Variants in DAB1 observed in about 807,000 individuals in gnomAD.
The protein encoded by DAB1 is disabled homolog 1.
Under a neutral mutation model 64.6 loss-of-function variants are expected in DAB1, and 15 were observed. The ratio of observed to expected loss-of-function variants is 0.23; its 90% CI spans 0.16 to 0.36. The LOEUF is 0.36. Ranked by LOEUF, DAB1 falls within the 10% of genes least tolerant of loss-of-function variation. DAB1 has a pLI of 1.00. For synonymous variants in DAB1, 235 were observed against 251.9 expected, an observed-to-expected ratio of 0.93 and a Z score of 0.64; for missense variants, 596 against 706.7, an observed-to-expected ratio of 0.84 and a Z score of 1.78.
chr1:57,302,831 C>T (rs952771027), intron 1 of DAB1, among the ~76,000 whole-genome samples: 2 of 152,116 alleles, frequency 1.3e-5, no homozygotes, highest in Non-Finnish European at 2.9e-5. Context: ...TTGGCAAACA[C>T]AGGAATAAAG....
At chr1:57,284,493 C>T (rs1672156406) in intron 2 of DAB1, among the ~76,000 whole-genome samples, 2 of 152,274 alleles carry the variant, frequency 1.3e-5, no homozygotes, top group East Asian at 1.9e-4. Context: ...CATTTGGTGG[C>T]TGAGAAAAGT....
At chr1:58,334,082 A>G (rs1040753425) in intron 4 of DAB1, among the ~76,000 whole-genome samples, 1 of 152,164 alleles carries the variant, frequency 6.6e-6, no homozygotes, top group African/African-American at 2.4e-5. Flanking sequence ...CGGGGAAGGA[A>G]TGTACATCCC....
At chr1:58,321,431 G>A (rs562777333) in intron 4 of DAB1, among the ~76,000 whole-genome samples, 150 of 152,340 alleles carry the variant, frequency 9.8e-4, no homozygotes, top group African/African-American at 3.0e-3. Flanking sequence ...TGCAGCCCAC[G>A]GAGGGCAAGC....
chr1:57,538,802 G>C (rs1183459122), intron 7 of DAB1, among the ~76,000 whole-genome samples: 1 of 152,026 alleles, frequency 6.6e-6, no homozygotes, highest in Non-Finnish European at 1.5e-5. Flanking sequence ...GCAAACAAAA[G>C]TTCTATATTC....
chr1:57,111,468 C>T (rs2100724589), intron 4 of DAB1, among the ~76,000 whole-genome samples: 1 of 152,274 alleles, frequency 6.6e-6, no homozygotes, highest in African/African-American at 2.4e-5. Context: ...CTTGTTTTAT[C>T]TACACCAATT....
At chr1:57,114,600 A>G (rs1214088790) in intron 4 of DAB1, among the ~76,000 whole-genome samples, 1 of 152,240 alleles carries the variant, frequency 6.6e-6, no homozygotes, top group African/African-American at 2.4e-5. Flanking sequence ...TTAGCACTTC[A>G]GTATGAAGGA....
chr1:57,574,174 T>C lies in DAB1; in HGVS notation n.625+75418A>G, dbSNP rs534902169. On this transcript the variant is annotated intron_variant and non_coding_transcript_variant, in intron 7 of 20. Transcript: ENST00000485760. The stretch of plus-strand genomic sequence containing the variant: ...AAGTGGACATAGAAGTAGAGGTCCC[T>C]GGGGAGAAGGCCATGGTGGCTATCA... 3.9e-5 allele frequency among the ~76,000 whole-genome samples: 6 copies of C among 152,294 alleles called. No homozygotes were observed. In the East Asian group the frequency reaches 1.2e-3, roughly 29 times the overall value.
intron 5 of DAB1, among the ~76,000 whole-genome samples, chr1:57,915,183 G>A (rs538369205): frequency 1.9e-4 from 29 of 150,124 alleles, no homozygotes; most frequent in African/African-American, 6.8e-4. Flanking sequence ...AAAAAGAACT[G>A]GAAAGAAATG....
chr1:57,381,647 AT>A (rs1681388781), intron 1 of DAB1, among the ~76,000 whole-genome samples: 1 of 152,090 alleles, frequency 6.6e-6, no homozygotes, highest in Non-Finnish European at 1.5e-5. Flanking sequence ...TCTCCTCACC[AT>A]TTTCTCCTGC....
At chr1:57,621,137 G>A (rs189824698) in intron 7 of DAB1, among the ~76,000 whole-genome samples, 1 of 151,914 alleles carries the variant, frequency 6.6e-6, no homozygotes, top group Admixed American at 6.6e-5. Context: ...TTGAACTTGT[G>A]TGTATTGGGG....
At chr1:58,053,356 A>G (rs1013377449) in intron 5 of DAB1, among the ~76,000 whole-genome samples, 2 of 152,188 alleles carry the variant, frequency 1.3e-5, no homozygotes, top group African/African-American at 4.8e-5. Context: ...GCTTCCGCAC[A>G]TGGCAGAAAG....
chr1:57,907,629 A>T (rs1384089009), intron 5 of DAB1, among the ~76,000 whole-genome samples: 1 of 152,118 alleles, frequency 6.6e-6, no homozygotes, highest in Non-Finnish European at 1.5e-5. Flanking sequence ...TGAAGCTAAG[A>T]GAAGTTAATC....
chr1:57,794,494 A>G (rs1650748927), intron 6 of DAB1, among the ~76,000 whole-genome samples: 1 of 152,184 alleles, frequency 6.6e-6, no homozygotes, highest in South Asian at 2.1e-4. Flanking sequence ...TCAGCAGACA[A>G]AAATACAGCT....
intron 5 of DAB1, among the ~76,000 whole-genome samples, chr1:57,994,297 C>T (rs1857370): frequency 1.3e-5 from 2 of 152,120 alleles, no homozygotes; most frequent in African/African-American, 4.8e-5. Flanking sequence ...TTACTTTTTC[C>T]TTGAAAGAGG....
At chr1:57,666,768 C>T (rs1044969149) in intron 6 of DAB1, among the ~76,000 whole-genome samples, 1 of 151,848 alleles carries the variant, frequency 6.6e-6, no homozygotes, top group African/African-American at 2.4e-5. Flanking sequence ...ATTGCAATAG[C>T]GTGCTTAGCA....
chr1:58,511,957 G>C (rs1198535271), intron 2 of DAB1, among the ~76,000 whole-genome samples: 1 of 152,074 alleles, frequency 6.6e-6, no homozygotes, highest in Admixed American at 6.6e-5. Context: ...TAAGGAAACA[G>C]AGTGAAAGGC....
chr1:57,337,987 T>C (rs546703872), intron 1 of DAB1, among the ~76,000 whole-genome samples: 47 of 149,886 alleles, frequency 3.1e-4, no homozygotes, highest in South Asian at 6.3e-4. Flanking sequence ...TCCTCCTCCT[T>C]CTTCTTCTTC....
intron 5 of DAB1, among the ~76,000 whole-genome samples, chr1:58,004,968 C>T (rs1646560014): frequency 1.3e-5 from 2 of 152,056 alleles, no homozygotes; most frequent in African/African-American, 2.4e-5. Context: ...ATATTAAAAC[C>T]TCTCAGCTAC....
intron 1 of DAB1, among the ~76,000 whole-genome samples, chr1:57,401,625 C>CAGTGAGCAGGGATCTT (rs1683251572): frequency 6.6e-6 from 1 of 152,212 alleles, no homozygotes; most frequent in Admixed American, 6.5e-5. Context: ...TAAAATCACA[C>CAGTGAGCAGGGATCTT]AGTGAGCAGG....
Sources: allele counts gnomAD v4.1 joint callset (sites outside exome capture counted in the v4.1 genomes callset), GRCh38; gene constraint gnomAD v4.1.1; transcripts MANE v1.5; gene names NCBI Gene and HGNC (gene_info 2026-07-23, HGNC 2026-07-21).